Variants in CPNE8 observed in about 807,000 individuals in gnomAD.
CPNE8 encodes copine-8.
Under a neutral mutation model 81.5 loss-of-function variants are expected in CPNE8, and 45 were observed. The ratio of observed to expected loss-of-function variants is 0.55; its 90% CI spans 0.44 to 0.71. The LOEUF (loss-of-function observed/expected upper bound fraction) is 0.71. Ranked by LOEUF, CPNE8 falls within the 30% of genes least tolerant of loss-of-function variation. The pLI is 0.00. For missense variants in CPNE8, 594 were observed against 672.1 expected, an observed-to-expected ratio of 0.88 and a Z score of 1.28; for synonymous variants, 252 against 226.3, an observed-to-expected ratio of 1.11 and a Z score of -1.02.
intron 6 of CPNE8, among the ~76,000 whole-genome samples, chr12:38,811,371 T>C (rs1942931669): frequency 6.6e-6 from 1 of 152,200 alleles, no homozygotes; most frequent in South Asian, 2.1e-4. Context: ...CAAATCTATT[T>C]GTAATTCATA....
chr12:38,675,656 G>C (rs1463881334), intron 18 of CPNE8, 61 bp downstream of exon 18: 14 of 1,064,976 alleles, frequency 1.3e-5, no homozygotes, highest in Non-Finnish European at 2.0e-5. Context: ...AGAAACCCAA[G>C]AGCATGTTAC....
chr12:38,906,037 G>C, upstream of CPNE8: 3 of 987,276 alleles, frequency 3.0e-6, no homozygotes, highest in Non-Finnish European at 3.6e-6. Context: ...TGGACGGGAA[G>C]GTCTCGAAGT....
chr12:38,802,927 G>A (rs1032776617), intron 6 of CPNE8, among the ~76,000 whole-genome samples: 102 of 149,212 alleles, frequency 6.8e-4, no homozygotes, highest in South Asian at 5.0e-3. Flanking sequence ...TACATTCCTC[G>A]ACACATACAG....
At chr12:38,696,284 T>C (rs1306117620) in intron 14 of CPNE8, among the ~76,000 whole-genome samples, 1 of 152,076 alleles carries the variant, frequency 6.6e-6, no homozygotes, top group Non-Finnish European at 1.5e-5. Flanking sequence ...CTCCAACTTA[T>C]GTCTCACACA....
At chr12:38,892,190 G>A (rs567106917) in intron 1 of CPNE8, among the ~76,000 whole-genome samples, 12 of 152,300 alleles carry the variant, frequency 7.9e-5, no homozygotes, top group East Asian at 3.9e-4. Flanking sequence ...ACAAAGGAAC[G>A]TGGGGATTAA....
intron 19 of CPNE8, among the ~76,000 whole-genome samples, chr12:38,660,261 A>T (rs1434509864): frequency 6.6e-6 from 1 of 152,184 alleles, no homozygotes; most frequent in Non-Finnish European, 1.5e-5. Flanking sequence ...TGGTACCAAA[A>T]CACAGATATG....
chr12:38,847,438 A>G (rs1400280), intron 4 of CPNE8, among the ~76,000 whole-genome samples: 57,883 of 152,046 alleles, frequency 0.38, 13,051 homozygotes, highest in Non-Finnish European at 0.51. Flanking sequence ...TTTAGTGGCA[A>G]CGCTATGTGC....
intron 19 of CPNE8, among the ~76,000 whole-genome samples, chr12:38,663,198 CAA>C (rs565175545): frequency 6.2e-4 from 94 of 151,990 alleles, no homozygotes; most frequent in African/African-American, 2.1e-3. Flanking sequence ...AGTGAAGAGA[CAA>C]ACTTTTATTC....
chr12:38,751,322 C>T (rs896155759), intron 10 of CPNE8, among the ~76,000 whole-genome samples: 4 of 152,214 alleles, frequency 2.6e-5, no homozygotes, highest in South Asian at 2.1e-4. Flanking sequence ...TTAAAATATT[C>T]GCCTTTTTTA....
chr12:38,745,795 G>C (rs1041755499), intron 10 of CPNE8, among the ~76,000 whole-genome samples: 1 of 152,186 alleles, frequency 6.6e-6, no homozygotes, highest in African/African-American at 2.4e-5. Context: ...TTCTGCCTCA[G>C]CCTCTCAAAG....
In CPNE8 at chr12:38,833,351, C is replaced by CAAAAA. The variant is rs774534221; in HGVS notation, c.331-3901_331-3897dup. Among the ~76,000 whole-genome samples the CAAAAA allele has an allele frequency of 4.1e-3, 240 of 59,232 alleles. 1 individual carries two copies. Among genetic ancestry groups the CAAAAA allele is most frequent in the Non-Finnish European group, 5.4e-3 (144 of 26,426 alleles). 38.9% of individuals were successfully genotyped at this position (59,232 alleles called of 152,430 possible). A position where few individuals can be genotyped will look rare whatever the true frequency, so the allele number is the denominator to read the frequency against. ...TGGGCGACAGAGTGAGACCTTATCT[C>CAAAAA]AAAAAAAAAAAAAAAAAAAAAGAAA... On this transcript the variant is annotated intron_variant, in intron 5 of 19. Transcript: ENST00000331366.
chr12:38,658,500 C>A (rs994235151), intron 19 of CPNE8, among the ~76,000 whole-genome samples: 1 of 152,148 alleles, frequency 6.6e-6, no homozygotes, highest in Non-Finnish European at 1.5e-5. Context: ...AGGAGAACTT[C>A]CCCAACCTAG....
At chr12:38,654,155 G>C in intron 19 of CPNE8, 85 bp from the exon 20 acceptor site, 1 of 1,426,566 alleles carries the variant, frequency 7.0e-7, no homozygotes, top group Non-Finnish European at 9.2e-7. Context: ...GTACACATTT[G>C]GTCATAGGAA....
chr12:38,786,252 G>A (rs941033568), intron 6 of CPNE8, among the ~76,000 whole-genome samples: 4 of 152,192 alleles, frequency 2.6e-5, no homozygotes, highest in African/African-American at 9.7e-5. Flanking sequence ...GTGTCAACTT[G>A]ATTGGATTGA....
chr12:38,807,493 C>A (rs1193539759), intron 6 of CPNE8, among the ~76,000 whole-genome samples: 1 of 151,144 alleles, frequency 6.6e-6, no homozygotes, highest in Non-Finnish European at 1.5e-5. Flanking sequence ...GAAAAACAAG[C>A]AATGGGGAAA....
At chr12:38,840,017 G>C (rs1264031931) in intron 4 of CPNE8, 62 bp from the exon 5 acceptor site, 1 of 1,439,682 alleles carries the variant, frequency 6.9e-7, no homozygotes, top group Non-Finnish European at 9.4e-7. Flanking sequence ...AAAAAAACCA[G>C]TATTTTCCAA....
At chr12:38,704,916 GTTTT>G (rs71068574) in intron 13 of CPNE8, among the ~76,000 whole-genome samples, 1 of 95,280 alleles carries the variant, frequency 1.0e-5, no homozygotes. Context: ...AATTAGTTTA[GTTTT>G]TTTTTTTTTT....
intron 13 of CPNE8, among the ~76,000 whole-genome samples, chr12:38,720,480 A>G (rs561648954): frequency 2.8e-4 from 42 of 152,326 alleles, no homozygotes; most frequent in Non-Finnish European, 5.4e-4. Context: ...ATACACATAC[A>G]TATTCTTCAC....
chr12:38,654,514 CAAAAA>C (rs71068569), intron 19 of CPNE8, among the ~76,000 whole-genome samples: 5 of 97,610 alleles, frequency 5.1e-5, no homozygotes, highest in South Asian at 3.7e-4. Context: ...GACTCTGTCT[CAAAAA>C]AAAAAAAAAA....
Sources: allele counts gnomAD v4.1 joint callset (sites outside exome capture counted in the v4.1 genomes callset), GRCh38; gene constraint gnomAD v4.1.1; transcripts MANE v1.5; gene names NCBI Gene and HGNC (gene_info 2026-07-23, HGNC 2026-07-21).